Variants in CDH6 observed in about 807,000 individuals in gnomAD.
CDH6 encodes the protein cadherin 6.
Under a neutral mutation model 78.0 loss-of-function variants are expected in CDH6, and 31 were observed. The ratio of observed to expected loss-of-function variants is 0.40; its 90% CI spans 0.30 to 0.54. The LOEUF (loss-of-function observed/expected upper bound fraction) is 0.54. CDH6 is among the 20% of genes least tolerant of loss of function. The probability of loss-of-function intolerance (pLI) is 0.56; values close to 1 mark genes in which losing one functional copy is unlikely to be tolerated. For synonymous variants in CDH6, 376 were observed against 368.8 expected (o/e 1.02, Z -0.23); for missense variants, 724 against 975.9 (o/e 0.74, Z 3.44).
At chr5:31,223,673 T>A (rs1741063034) in intron 1 of CDH6, among the ~76,000 whole-genome samples, 1 of 152,194 alleles carries the variant, frequency 6.6e-6, no homozygotes, top group Admixed American at 6.5e-5. Flanking sequence ...TTGCACTGGA[T>A]TCCTTGTGGG....
chr5:31,242,671 T>C lies in CDH6; in HGVS notation c.-128-24675T>C, dbSNP rs527845912. ...TGATAGAACTAAACTGCAGTCAAGC[T>C]GCTGCCTGGTCTTCTCTACAGAATA... On this transcript the variant is annotated intron_variant, in intron 1 of 11. Coordinates refer to ENST00000265071, the MANE Select transcript of CDH6 (RefSeq NM_004932.4). 7.5e-5 allele frequency among the ~76,000 whole-genome samples: 11 copies of C among 146,992 alleles called. No individual in the cohort carries two copies. The South Asian group carries it at 2.2e-3, about 29-fold the overall frequency.
At chr5:31,198,702 A>C (rs1196409235) in intron 1 of CDH6, among the ~76,000 whole-genome samples, 1 of 152,106 alleles carries the variant, frequency 6.6e-6, no homozygotes. Context: ...TTTACAGCAG[A>C]GGGAAACATA....
At chr5:31,313,662 G>A (rs1393798344) in intron 8 of CDH6, among the ~76,000 whole-genome samples, 3 of 152,132 alleles carry the variant, frequency 2.0e-5, no homozygotes, top group Admixed American at 2.0e-4. Flanking sequence ...AAGTTCTGTG[G>A]TTTGGAAACA....
intron 7 of CDH6, 75 bp from the exon 8 acceptor site, chr5:31,313,243 G>A: frequency 7.3e-7 from 1 of 1,366,084 alleles, no homozygotes; most frequent in Non-Finnish European, 1.0e-6. Context: ...TGTACCAGAT[G>A]TTTTATGATG....
intron 4 of CDH6, 86 bp from the exon 5 acceptor site, chr5:31,299,378 G>T: frequency 9.5e-7 from 1 of 1,051,832 alleles, no homozygotes; most frequent in South Asian, 1.5e-5. Context: ...TATTGTGGGT[G>T]ACAGTTTATG....
At chr5:31,206,476 C>T (rs897055661) in intron 1 of CDH6, among the ~76,000 whole-genome samples, 8 of 152,102 alleles carry the variant, frequency 5.3e-5, no homozygotes, top group Non-Finnish European at 2.9e-5. Flanking sequence ...CCTATCTGTT[C>T]GCTTTAATTT....
chr5:31,267,941 C>T (rs56851704), intron 2 of CDH6, among the ~76,000 whole-genome samples: 3 of 152,070 alleles, frequency 2.0e-5, no homozygotes, highest in Non-Finnish European at 2.9e-5. Flanking sequence ...CACAACCATC[C>T]GCATAGGATT....
intron 1 of CDH6, among the ~76,000 whole-genome samples, chr5:31,253,382 T>C (rs1741965571): frequency 6.6e-6 from 1 of 152,238 alleles, no homozygotes; most frequent in South Asian, 2.1e-4. Context: ...TGCCATCATG[T>C]GAAGAAGGAC....
chr5:31,269,285 G>T (rs1047959150), intron 2 of CDH6, among the ~76,000 whole-genome samples: 1 of 116,756 alleles, frequency 8.6e-6, no homozygotes, highest in African/African-American at 3.0e-5. Context: ...AAAAAAAGCG[G>T]GGGGGGCAGG....
chr5:31,245,998 C>G (rs1012117883), intron 1 of CDH6, among the ~76,000 whole-genome samples: 6 of 150,282 alleles, frequency 4.0e-5, no homozygotes, highest in African/African-American at 9.8e-5. Context: ...ACCTCCACCT[C>G]CTGGGTTCAA....
intron 1 of CDH6, among the ~76,000 whole-genome samples, chr5:31,222,043 T>G (rs1351998979): frequency 1.3e-5 from 2 of 152,198 alleles, no homozygotes; most frequent in Non-Finnish European, 2.9e-5. Context: ...CACTAACATT[T>G]TCAATGCAAC....
chr5:31,224,997 G>A (rs1741109400), intron 1 of CDH6, among the ~76,000 whole-genome samples: 1 of 152,178 alleles, frequency 6.6e-6, no homozygotes, highest in African/African-American at 2.4e-5. Context: ...GCAATACCTG[G>A]AGGCATCTCT....
chr5:31,296,810 T>A (rs137899032), intron 3 of CDH6, among the ~76,000 whole-genome samples: 43 of 152,284 alleles, frequency 2.8e-4, no homozygotes, highest in Middle Eastern at 3.4e-3. Context: ...AGGCTGGCAT[T>A]TCTAAGATCA....
intron 1 of CDH6, chr5:31,250,099 G>C (rs1479050059): frequency 3.9e-5 from 6 of 152,368 alleles, no homozygotes; most frequent in African/African-American, 1.4e-4. Context: ...TCCTGGAATT[G>C]CTATCAGGGA....
intron 1 of CDH6, among the ~76,000 whole-genome samples, chr5:31,245,899 C>G (rs1422481543): frequency 1.1e-5 from 1 of 87,668 alleles, no homozygotes; most frequent in African/African-American, 5.1e-5. Flanking sequence ...CTCTCTCTCT[C>G]TTTTTTTTTT....
chr5:31,196,169 T>C (rs890071967), intron 1 of CDH6, among the ~76,000 whole-genome samples: 10 of 152,194 alleles, frequency 6.6e-5, no homozygotes, highest in Non-Finnish European at 1.5e-4. Flanking sequence ...ACCACTTCCA[T>C]CAGCTTTGCA....
chr5:31,247,639 A>G (rs1010499398), intron 1 of CDH6, among the ~76,000 whole-genome samples: 1 of 152,246 alleles, frequency 6.6e-6, no homozygotes, highest in Non-Finnish European at 1.5e-5. Context: ...GTGCATGCAG[A>G]CAGCAATCTG....
rs978379898 is a variant in CDH6 at position 31,193,841 on chromosome 5, C to T, written c.-174C>T. ...CGGCGGCGGCGGAGGCAGGAGCAGCCTGGGCGGGTCGCAGGGTCTCCGCGG... is the reference window on the plus strand; with the variant it reads ...CGGCGGCGGCGGAGGCAGGAGCAGCTTGGGCGGGTCGCAGGGTCTCCGCGG... On this transcript the variant is annotated 5_prime_UTR_variant, in exon 1 of 12. Coordinates refer to ENST00000265071, the MANE Select transcript of CDH6 (RefSeq NM_004932.4). 14 of 154,274 alleles carry T rather than the reference C, an allele frequency of 9.1e-5. No homozygotes were observed. The highest frequency in any genetic ancestry group is 7.8e-4 in the Admixed American group (12 of 15,318). The allele number at this position is 154,274 out of a possible 1,614,324, so 9.6% of individuals were successfully genotyped here. A position where few individuals can be genotyped will look rare whatever the true frequency, so the allele number is the denominator to read the frequency against.
At chr5:31,209,550 G>A (rs1740633950) in intron 1 of CDH6, among the ~76,000 whole-genome samples, 1 of 152,166 alleles carries the variant, frequency 6.6e-6, no homozygotes. Context: ...GGTCAGAAAA[G>A]CAAGCTACAG....
Sources: gnomAD v4.1 joint callset for allele counts (sites outside exome capture counted in the v4.1 genomes callset) on GRCh38, gnomAD v4.1.1 for gene constraint, MANE v1.5 for transcripts, NCBI Gene and HGNC (gene_info 2026-07-23, HGNC 2026-07-21) for gene names.